MACROD2: variants seen among roughly 807,000 people sequenced by gnomAD.
The protein encoded by MACROD2 is ADP-ribose glycohydrolase MACROD2.
A neutral mutation model predicts 70.4 loss-of-function variants in MACROD2; 36 were observed. The ratio of observed to expected loss-of-function variants is 0.51; its 90% CI spans 0.39 to 0.68. MACROD2 has a LOEUF of 0.68. Among genes scored for constraint, MACROD2 ranks in the 30% least tolerant of loss-of-function variants. MACROD2 has a pLI of 0.00. For missense variants in MACROD2, 496 were observed against 538.4 expected, an observed-to-expected ratio of 0.92 and a Z score of 0.78; for synonymous variants, 172 against 178.8, an observed-to-expected ratio of 0.96 and a Z score of 0.30.
chr20:14,478,449 C>G (rs984684143), intron 3 of MACROD2, among the ~76,000 whole-genome samples: 1 of 152,178 alleles, frequency 6.6e-6, no homozygotes, highest in Non-Finnish European at 1.5e-5. Flanking sequence ...CTGTTTCTCT[C>G]TGGCTGCTTT....
At chr20:15,045,954 G>A (rs2075391362) in intron 5 of MACROD2, among the ~76,000 whole-genome samples, 2 of 151,844 alleles carry the variant, frequency 1.3e-5, no homozygotes, top group African/African-American at 2.4e-5. Flanking sequence ...TTCTTTGTGA[G>A]CTCTGAATCT....
At chr20:14,311,952 T>C (rs2082571366) in intron 3 of MACROD2, among the ~76,000 whole-genome samples, 1 of 152,224 alleles carries the variant, frequency 6.6e-6, no homozygotes, top group Admixed American at 6.5e-5. Flanking sequence ...TACTATAAAA[T>C]ATGCTCAAAT....
intron 3 of MACROD2, chr20:14,337,290 C>CAG (rs2082955893): frequency 3.6e-6 from 1 of 274,466 alleles, no homozygotes; most frequent in Non-Finnish European, 6.8e-6. Context: ...GTTGTGGTGA[C>CAG]AGAGCAAACG....
chr20:14,099,158 A>T (rs1427803372), intron 3 of MACROD2, among the ~76,000 whole-genome samples: 1 of 152,034 alleles, frequency 6.6e-6, no homozygotes, highest in Non-Finnish European at 1.5e-5. Flanking sequence ...TGCGCCTGTA[A>T]TCCCAGCTAC....
chr20:15,047,036 C>T (rs925917073), intron 5 of MACROD2, among the ~76,000 whole-genome samples: 10 of 152,134 alleles, frequency 6.6e-5, no homozygotes, highest in African/African-American at 2.4e-4. Flanking sequence ...TTGCCCTTGG[C>T]TGAAAAGCAC....
chr20:15,909,606 C>G (rs913856537), intron 10 of MACROD2, among the ~76,000 whole-genome samples: 11 of 145,024 alleles, frequency 7.6e-5, no homozygotes, highest in African/African-American at 2.5e-4. Context: ...TCACTGCAAG[C>G]TCCGCCTCCC....
chr20:15,519,366 C>T (rs183505751), intron 8 of MACROD2, among the ~76,000 whole-genome samples: 1 of 152,212 alleles, frequency 6.6e-6, no homozygotes, highest in East Asian at 1.9e-4. Context: ...CCTTGTGATC[C>T]TCCCACCTTG....
At chr20:15,726,009 G>A (rs2146942319) in intron 8 of MACROD2, among the ~76,000 whole-genome samples, 1 of 152,028 alleles carries the variant, frequency 6.6e-6, no homozygotes, top group East Asian at 1.9e-4. Context: ...GGGTTTGATG[G>A]ACAGATTATT....
At chr20:15,119,830 T>C (rs554348953) in intron 5 of MACROD2, among the ~76,000 whole-genome samples, 2 of 152,356 alleles carry the variant, frequency 1.3e-5, no homozygotes, top group East Asian at 3.9e-4. Flanking sequence ...CTAATGCAAA[T>C]TATCCATAAC....
At position 15,623,672 on chromosome 20, in the gene MACROD2, T is replaced by C. The variant is rs145025215; in HGVS notation, c.645+123825T>C. ...ATCTTGCTTAACTAAGTTTAGCAAG[T>C]TATCTGCCTATCTATCTATCTATCT... is the stretch of plus-strand genomic sequence containing the variant. On this transcript the variant is annotated intron_variant, in intron 8 of 17. Coordinates refer to ENST00000684519, the MANE Select transcript of MACROD2 (RefSeq NM_001351661.2). Among the ~76,000 whole-genome samples the C allele has an allele frequency of 9.7e-4, 129 of 133,546 alleles. 4 individuals carry two copies. In the East Asian group the frequency reaches 0.018, roughly 18 times the overall value. 87.6% of individuals were successfully genotyped at this position (133,546 alleles called of 152,430 possible). A position where few individuals can be genotyped will look rare whatever the true frequency, so the allele number is the denominator to read the frequency against.
At chr20:14,827,996 T>C (rs1405735628) in intron 5 of MACROD2, among the ~76,000 whole-genome samples, 1 of 152,082 alleles carries the variant, frequency 6.6e-6, no homozygotes, top group East Asian at 1.9e-4. Context: ...TTAAAATTTT[T>C]ATTTTTTGAT....
intron 3 of MACROD2, among the ~76,000 whole-genome samples, chr20:14,198,464 G>A (rs968439398): frequency 1.3e-5 from 2 of 152,126 alleles, no homozygotes; most frequent in African/African-American, 2.4e-5. Flanking sequence ...CAATCACTGT[G>A]TTTCTTATTA....
intron 5 of MACROD2, among the ~76,000 whole-genome samples, chr20:15,094,306 ATGC>A (rs1442828593): frequency 1.3e-5 from 2 of 152,166 alleles, no homozygotes; most frequent in African/African-American, 4.8e-5. Flanking sequence ...AAATCTTCAC[ATGC>A]TATTTTTTCT....
intron 12 of MACROD2, among the ~76,000 whole-genome samples, chr20:15,956,229 C>A (rs1385245932): frequency 6.6e-6 from 1 of 152,144 alleles, no homozygotes. Flanking sequence ...TTAAGGAGTT[C>A]TTGCCTGCAG....
chr20:14,130,368 T>G (rs1255269443), intron 3 of MACROD2, among the ~76,000 whole-genome samples: 1 of 151,980 alleles, frequency 6.6e-6, no homozygotes, highest in Non-Finnish European at 1.5e-5. Flanking sequence ...GCCAAGATGG[T>G]GAAACCCCGT....
intron 5 of MACROD2, among the ~76,000 whole-genome samples, chr20:14,760,897 T>C (rs922784147): frequency 6.6e-6 from 1 of 152,168 alleles, no homozygotes; most frequent in African/African-American, 2.4e-5. Flanking sequence ...ACTGCTATTA[T>C]GGAAGTGACC....
chr20:14,000,212 A>G (rs562392990), intron 1 of MACROD2, among the ~76,000 whole-genome samples: 1 of 152,302 alleles, frequency 6.6e-6, no homozygotes, highest in Admixed American at 6.5e-5. Flanking sequence ...TAAAGTCTCT[A>G]GGCTAGACCA....
At chr20:15,772,667 G>A (rs1475290827) in intron 8 of MACROD2, among the ~76,000 whole-genome samples, 8 of 152,090 alleles carry the variant, frequency 5.3e-5, no homozygotes, top group African/African-American at 1.7e-4. Context: ...GGCAGAAGAC[G>A]AAGGGGAAGC....
chr20:15,711,856 C>A (rs1462816230), intron 8 of MACROD2, among the ~76,000 whole-genome samples: 1 of 152,140 alleles, frequency 6.6e-6, no homozygotes, highest in African/African-American at 2.4e-5. Flanking sequence ...GAGAGAGTAA[C>A]TGCGACAGGG....
Sources: allele counts gnomAD v4.1 joint callset (sites outside exome capture counted in the v4.1 genomes callset), GRCh38; gene constraint gnomAD v4.1.1; transcripts MANE v1.5; gene names NCBI Gene and HGNC (gene_info 2026-07-23, HGNC 2026-07-21).